The following PXDNL variants were observed in gnomAD, a reference collection of about 807,000 sequenced individuals.
PXDNL encodes probable oxidoreductase PXDNL.
A neutral mutation model predicts 150.8 loss-of-function variants in PXDNL; 145 were observed. That is an observed-to-expected ratio of 0.96 (90% CI 0.84 to 1.10). PXDNL has a LOEUF of 1.10. PXDNL is among the 50% of genes least tolerant of loss of function. The pLI is 0.00. For synonymous variants in PXDNL, 757 were observed against 725.7 expected, an observed-to-expected ratio of 1.04 and a Z score of -0.69; for missense variants, 2,087 against 1,873.9, an observed-to-expected ratio of 1.11 and a Z score of -2.10.
chr8:51,539,067 G>A (rs959897949), intron 4 of PXDNL, among the ~76,000 whole-genome samples: 1 of 152,024 alleles, frequency 6.6e-6, no homozygotes, highest in Non-Finnish European at 1.5e-5. Flanking sequence ...GAGTTATTCA[G>A]TCTTTCACCA....
intron 1 of PXDNL, among the ~76,000 whole-genome samples, chr8:51,755,477 T>C (rs2037090993): frequency 6.6e-6 from 1 of 151,982 alleles, no homozygotes; most frequent in African/African-American, 2.4e-5. Context: ...GTATTTTTAG[T>C]AGAGATGGAT....
intron 17 of PXDNL, among the ~76,000 whole-genome samples, chr8:51,392,790 G>T (rs1313722660): frequency 1.3e-5 from 2 of 152,156 alleles, no homozygotes; most frequent in Non-Finnish European, 2.9e-5. Flanking sequence ...AATAGGAGTG[G>T]TGAGAGAGGG....
chr8:51,454,970 G>A (rs1406858491), intron 9 of PXDNL, among the ~76,000 whole-genome samples: 1 of 96,466 alleles, frequency 1.0e-5, no homozygotes, highest in East Asian at 2.2e-4. Context: ...TTAGCCGGGC[G>A]CGGTGGCGGG....
chr8:51,725,151 A>C (rs1192810981), intron 1 of PXDNL, among the ~76,000 whole-genome samples: 1 of 152,134 alleles, frequency 6.6e-6, no homozygotes, highest in Non-Finnish European at 1.5e-5. Context: ...GCTGAGAACA[A>C]GATCATTTTA....
chr8:51,343,079 G>C (rs1025794827), intron 20 of PXDNL, among the ~76,000 whole-genome samples: 7 of 152,052 alleles, frequency 4.6e-5, no homozygotes, highest in African/African-American at 1.7e-4. Context: ...TGTGAATGTT[G>C]CTATATTTTG....
At chr8:51,370,643 C>G (rs147951358) in intron 19 of PXDNL, among the ~76,000 whole-genome samples, 4,886 of 152,296 alleles carry the variant, frequency 0.032, 212 homozygotes, top group African/African-American at 0.096. Context: ...GTCACCCAGG[C>G]TGGAGTGCAA....
chr8:51,358,536 T>C lies in PXDNL; in HGVS notation c.3902-12589A>G, dbSNP rs563153937. Among the ~76,000 whole-genome samples the C allele has an allele frequency of 5.4e-4, 82 of 152,292 alleles. 1 individual carries two copies. The highest frequency in any genetic ancestry group is 1.0e-3 in the Non-Finnish European group (69 of 68,016). ...AAAAACCAAATATGCTGATTAATGC[T>C]GTCAGACAGGAAAGCTCACATGCCT... On this transcript the variant is annotated intron_variant, in intron 19 of 22. Coordinates refer to ENST00000356297, the MANE Select transcript of PXDNL (RefSeq NM_144651.5).
intron 21 of PXDNL, among the ~76,000 whole-genome samples, chr8:51,333,169 G>A (rs1219357858): frequency 6.6e-6 from 1 of 152,202 alleles, no homozygotes; most frequent in Non-Finnish European, 1.5e-5. Context: ...CTAGAAGGGA[G>A]TAAGGCCCTA....
At chr8:51,670,814 T>G (rs1056782292) in intron 1 of PXDNL, among the ~76,000 whole-genome samples, 3 of 152,220 alleles carry the variant, frequency 2.0e-5, no homozygotes, top group South Asian at 2.1e-4. Context: ...AAACAGGAAC[T>G]GTATTTGGCT....
intron 22 of PXDNL, among the ~76,000 whole-genome samples, chr8:51,320,238 A>G (rs1169773100): frequency 1.3e-5 from 2 of 152,196 alleles, no homozygotes; most frequent in East Asian, 3.9e-4. Context: ...ATAAAATGTT[A>G]CCTACCTTAC....
At chr8:51,536,542 G>A (rs940739206) in intron 4 of PXDNL, among the ~76,000 whole-genome samples, 1 of 152,074 alleles carries the variant, frequency 6.6e-6, no homozygotes, top group Non-Finnish European at 1.5e-5. Flanking sequence ...CCCAGAGAGT[G>A]AGCATGACAC....
At chr8:51,669,145 T>C (rs1332033054) in intron 1 of PXDNL, among the ~76,000 whole-genome samples, 1 of 152,190 alleles carries the variant, frequency 6.6e-6, no homozygotes, top group Non-Finnish European at 1.5e-5. Context: ...AACAATTATT[T>C]CAACATTATG....
intron 3 of PXDNL, among the ~76,000 whole-genome samples, chr8:51,572,607 A>C (rs1280798499): frequency 6.6e-6 from 1 of 151,896 alleles, no homozygotes; most frequent in Non-Finnish European, 1.5e-5. Flanking sequence ...GATGATGAAA[A>C]AATTCTAGAA....
intron 2 of PXDNL, among the ~76,000 whole-genome samples, chr8:51,647,219 C>A (rs1585646792): frequency 2.6e-5 from 4 of 152,210 alleles, no homozygotes; most frequent in African/African-American, 2.4e-5. Context: ...CAAGAAATAT[C>A]TTGGATGTGC....
chr8:51,665,187 C>A (rs1362583178), intron 1 of PXDNL, among the ~76,000 whole-genome samples: 3 of 152,168 alleles, frequency 2.0e-5, no homozygotes, highest in Non-Finnish European at 4.4e-5. Flanking sequence ...CCTGTGCTCC[C>A]CTAAGGCCTT....
intron 6 of PXDNL, among the ~76,000 whole-genome samples, chr8:51,477,362 G>A (rs570388493): frequency 2.6e-5 from 4 of 152,112 alleles, no homozygotes; most frequent in Admixed American, 6.5e-5. Flanking sequence ...TCACACTAAC[G>A]TGAGAATATA....
At chr8:51,347,676 G>A (rs943478413) in intron 19 of PXDNL, among the ~76,000 whole-genome samples, 1 of 150,910 alleles carries the variant, frequency 6.6e-6, no homozygotes, top group African/African-American at 2.5e-5. Context: ...TGGAGGCCGG[G>A]TGCAGTGGCT....
intron 5 of PXDNL, among the ~76,000 whole-genome samples, chr8:51,492,937 G>T (rs966392758): frequency 6.6e-6 from 1 of 152,136 alleles, no homozygotes; most frequent in African/African-American, 2.4e-5. Flanking sequence ...GAGAGTAGTG[G>T]TTCTCCCAGC....
chr8:51,695,912 AG>A (rs2130870513), intron 1 of PXDNL, among the ~76,000 whole-genome samples: 1 of 152,312 alleles, frequency 6.6e-6, no homozygotes, highest in Non-Finnish European at 1.5e-5. Flanking sequence ...TTGGACAACC[AG>A]CTTTTGCAGT....
Sources: gnomAD v4.1 joint callset for allele counts (sites outside exome capture counted in the v4.1 genomes callset) on GRCh38, gnomAD v4.1.1 for gene constraint, MANE v1.5 for transcripts, NCBI Gene and HGNC (gene_info 2026-07-23, HGNC 2026-07-21) for gene names.